SCIN: variants seen among roughly 807,000 people sequenced by gnomAD.
SCIN encodes scinderin, also known as adseverin.
A neutral mutation model predicts 91.8 loss-of-function variants in SCIN; 91 were observed. The observed-to-expected ratio is 0.99, with a 90% CI of 0.84 to 1.18. SCIN has a LOEUF of 1.18. Ranked by LOEUF, SCIN falls within the 50% of genes most tolerant of loss-of-function variation. The pLI is 0.00. For synonymous variants in SCIN, 367 were observed against 312.6 expected, an observed-to-expected ratio of 1.17 and a Z score of -1.84; for missense variants, 1,087 against 863.9, an observed-to-expected ratio of 1.26 and a Z score of -3.24.
At chr7:12,652,507 T>A in intron 15 of SCIN, 81 bp from the exon 16 acceptor site, 1 of 1,289,570 alleles carries the variant, frequency 7.8e-7, no homozygotes, top group South Asian at 1.4e-5. Flanking sequence ...TCATTACTTT[T>A]ATTCGAAGAA....
chr7:12,636,631 G>A (rs1337807545), intron 10 of SCIN, among the ~76,000 whole-genome samples: 1 of 152,156 alleles, frequency 6.6e-6, no homozygotes, highest in Non-Finnish European at 1.5e-5. Context: ...TACTGGGTGG[G>A]CCTAGCGTAA....
intron 3 of SCIN, among the ~76,000 whole-genome samples, chr7:12,604,305 A>T (rs908351077): frequency 6.6e-6 from 1 of 152,094 alleles, no homozygotes; most frequent in Admixed American, 6.6e-5. Flanking sequence ...TGATATATAT[A>T]TTTATATTTT....
At chr7:12,572,538 A>C (rs1420470498) in intron 1 of SCIN, among the ~76,000 whole-genome samples, 1 of 152,238 alleles carries the variant, frequency 6.6e-6, no homozygotes, top group Non-Finnish European at 1.5e-5. Context: ...GCCATATCTT[A>C]CTGTAGACAG....
intron 9 of SCIN, 150 bp from the exon 10 acceptor site, chr7:12,635,895 A>G: frequency 1.6e-6 from 1 of 630,922 alleles, no homozygotes; most frequent in East Asian, 2.8e-5. Flanking sequence ...AGATACCTTG[A>G]CAAAAACAAT....
chr7:12,604,378 G>A, intron 3 of SCIN, 136 bp from the exon 4 acceptor site: 1 of 687,240 alleles, frequency 1.5e-6, no homozygotes, highest in South Asian at 2.7e-5. Context: ...AGAATGAAGT[G>A]TAACAATTAT....
chr7:12,588,839 A>AGGGGGGGGGGGGGGGGGGGGGGGGG (rs1562599677), intron 3 of SCIN: 2 of 2,818 alleles, frequency 7.1e-4, no homozygotes, highest in African/African-American at 1.4e-3. Flanking sequence ...GCGGGTGGGA[A>AGGGGGGGGGGGGGGGGGGGGGGGGG]GGGGGAGGGG....
At chr7:12,606,570 C>T (rs999136602) in intron 4 of SCIN, among the ~76,000 whole-genome samples, 1 of 152,020 alleles carries the variant, frequency 6.6e-6, no homozygotes, top group Non-Finnish European at 1.5e-5. Flanking sequence ...GGGGAAAATT[C>T]TCATGGTATA....
At chr7:12,578,253 T>A in intron 2 of SCIN, 35 bp downstream of exon 2, 10 of 1,521,484 alleles carry the variant, frequency 6.6e-6, no homozygotes, top group Non-Finnish European at 8.0e-6. Flanking sequence ...TATGAATCCC[T>A]TTCTCCTCTT....
chr7:12,630,164 A>G (rs1783612693), intron 9 of SCIN, among the ~76,000 whole-genome samples: 1 of 151,814 alleles, frequency 6.6e-6, no homozygotes, highest in South Asian at 2.1e-4. Flanking sequence ...ATGCATCCCC[A>G]TAGTCTGGTC....
At chr7:12,592,214 G>C in intron 3 of SCIN, among the ~76,000 whole-genome samples, 1 of 152,030 alleles carries the variant, frequency 6.6e-6, no homozygotes, top group Non-Finnish European at 1.5e-5. Context: ...GTAGAGGGTG[G>C]TGTTGGTAGC....
At position 12,653,227 on chromosome 7, in the gene SCIN, T is replaced by A. The variant is rs1007422519; in HGVS notation, c.*512T>A. On this transcript the variant is annotated 3_prime_UTR_variant, in exon 16 of 16. Coordinates refer to ENST00000297029, the MANE Select transcript of SCIN (RefSeq NM_001112706.3). This position sits in a 1 kb window ranked among gnomAD's most constrained non-coding sequence, Gnocchi z 4.1. ...ACATTAAAATAACCTGAAGGAAACT[T>A]TCGTTATGGGCCAATATTAGCTCTT... is the stretch of plus-strand genomic sequence containing the variant. The A allele has an allele frequency of 6.6e-6, 1 of 152,356 alleles. No homozygotes were observed. The highest frequency in any genetic ancestry group is 2.1e-4 in the South Asian group (1 of 4,834). 9.4% of individuals were successfully genotyped at this position (152,356 alleles called of 1,614,324 possible). A position where few individuals can be genotyped will look rare whatever the true frequency, so the allele number is the denominator to read the frequency against.
intron 4 of SCIN, among the ~76,000 whole-genome samples, chr7:12,606,424 T>G (rs565758231): frequency 3.3e-5 from 5 of 152,326 alleles, no homozygotes; most frequent in Non-Finnish European, 7.4e-5. Context: ...GGTCCAGTGA[T>G]AGCCTAAAAA....
chr7:12,586,171 T>A (rs1418468945), intron 3 of SCIN, among the ~76,000 whole-genome samples: 1 of 152,226 alleles, frequency 6.6e-6, no homozygotes, highest in Non-Finnish European at 1.5e-5. Context: ...CTATCCAGCA[T>A]AAAGTATATG....
chr7:12,627,155 C>A (rs918513016), intron 8 of SCIN, among the ~76,000 whole-genome samples: 1 of 151,898 alleles, frequency 6.6e-6, no homozygotes, highest in South Asian at 2.1e-4. Context: ...TGTATATATA[C>A]ATATATATTT....
chr7:12,593,808 C>T (rs896976263), intron 3 of SCIN, among the ~76,000 whole-genome samples: 3 of 152,120 alleles, frequency 2.0e-5, no homozygotes, highest in South Asian at 2.1e-4. Context: ...GCAGCTCCTA[C>T]GGGCTTAGTA....
chr7:12,621,446 C>A (rs1177664037), intron 4 of SCIN, among the ~76,000 whole-genome samples: 1 of 151,892 alleles, frequency 6.6e-6, no homozygotes, highest in Admixed American at 6.6e-5. Flanking sequence ...AAATCCCAGA[C>A]TGGGTCCGCC....
Position 12,659,482 on chromosome 7 carries a change from T to A in SCIN, c.*6767T>A, listed in dbSNP as rs1182872691. 1 of 152,206 alleles carries A rather than the reference T, an allele frequency of 6.6e-6. No homozygotes were observed. Among genetic ancestry groups the A allele is most frequent in the Non-Finnish European group, 1.5e-5 (1 of 68,034 alleles). 9.4% of individuals were successfully genotyped at this position (152,206 alleles called of 1,614,324 possible). A position where few individuals can be genotyped will look rare whatever the true frequency, so the allele number is the denominator to read the frequency against. On this transcript the variant is annotated 3_prime_UTR_variant, in exon 16 of 16. Coordinates refer to ENST00000297029, the MANE Select transcript of SCIN (RefSeq NM_001112706.3). ...GTTGGGATAAAGAGTCTTCCAAACA[T>A]GTGCCATTTTGGCATGGATATCTAA...
rs1238789419 is a variant in SCIN at position 12,604,619 on chromosome 7, C to T, written c.622C>T (p.Leu208=). 22 of 1,552,016 alleles carry T rather than the reference C, an allele frequency of 1.4e-5. No individual in the cohort carries two copies. The highest frequency in any genetic ancestry group is 3.9e-5 in the Admixed American group (2 of 50,968). ...RYNERKGRSE[L]IVVEEGSEPS... The stretch of plus-strand genomic sequence containing the variant: ...CAATGAAAGGAAAGGAAGGTCTGAA[C>T]TAATTGTCGTGGAAGAAGGAAGTGA... The change falls in exon 4 of 16, where the codon CTA becomes TTA. Residue 208 remains leucine (L), a synonymous_variant. Transcript: ENST00000297029.
At chr7:12,647,159 T>C (rs1229071288) in intron 13 of SCIN, among the ~76,000 whole-genome samples, 1 of 152,246 alleles carries the variant, frequency 6.6e-6, no homozygotes, top group African/African-American at 2.4e-5. Flanking sequence ...ACCTAGGCTT[T>C]GTTCTCAGTG....
Sources: allele counts gnomAD v4.1 joint callset (sites outside exome capture counted in the v4.1 genomes callset), GRCh38; gene constraint gnomAD v4.1.1; non-coding constraint Gnocchi (gnomAD v3.1); transcripts MANE v1.5; gene names NCBI Gene and HGNC (gene_info 2026-07-23, HGNC 2026-07-21).